The following RSRC1 variants were observed in gnomAD, a reference collection of about 807,000 sequenced individuals.
The protein encoded by RSRC1 is serine/Arginine-related protein 53.
A neutral mutation model predicts 49.1 loss-of-function variants in RSRC1; 39 were observed. That is an observed-to-expected ratio of 0.79 (90% CI 0.61 to 1.04). RSRC1 has a LOEUF of 1.04. Among genes scored for constraint, RSRC1 ranks in the 50% least tolerant of loss-of-function variants. The pLI is 0.00. For synonymous variants in RSRC1, 143 were observed against 130.8 expected (o/e 1.09, Z -0.63); for missense variants, 388 against 402.4 (o/e 0.96, Z 0.31).
chr3:158,408,526 G>C (rs1479867881), intron 6 of RSRC1, among the ~76,000 whole-genome samples: 5 of 151,974 alleles, frequency 3.3e-5, no homozygotes, highest in Admixed American at 6.6e-5. Flanking sequence ...AATAGGCATC[G>C]CAGAAAAAAA....
chr3:158,496,093 C>CT (rs1739309036), intron 7 of RSRC1, among the ~76,000 whole-genome samples: 2 of 152,156 alleles, frequency 1.3e-5, no homozygotes, highest in South Asian at 4.2e-4. Context: ...TCTTGCCTAG[C>CT]TTTTTTTGCC....
intron 6 of RSRC1, among the ~76,000 whole-genome samples, chr3:158,445,574 G>A (rs770051398): frequency 2.8e-4 from 43 of 151,858 alleles, no homozygotes; most frequent in Admixed American, 4.6e-4. Flanking sequence ...TAATGGGTGC[G>A]GCACACCAAC....
In RSRC1 at chr3:158,203,151, C is replaced by G. The variant is rs773664146; in HGVS notation, c.400C>G (p.Arg134Gly). 6.2e-7 allele frequency: 1 copy of G among 1,613,426 alleles called. No homozygotes were observed. The highest frequency in any genetic ancestry group is 8.5e-7 in the Non-Finnish European group (1 of 1,179,770). The change falls in exon 4 of 10, where the codon CGG becomes GGG. Residue 134 changes from arginine (R) to glycine (G), a missense_variant. Coordinates refer to ENST00000611884, the MANE Select transcript of RSRC1 (RefSeq NM_001271838.2). The stretch of plus-strand genomic sequence containing the variant: ...TCACAGAAGAACGCGTAGTCGGTCT[C>G]GGGATAGAGAACGACGTAAGGGCAG... The part of the protein sequence containing the change: ...SSHRRTRSRS[R>G]DRERRKGRDK...
chr3:158,370,424 A>G (rs983938620), intron 6 of RSRC1, among the ~76,000 whole-genome samples: 2 of 151,954 alleles, frequency 1.3e-5, no homozygotes, highest in Non-Finnish European at 2.9e-5. Flanking sequence ...CTCTCTCCCT[A>G]TTCCTGGACC....
chr3:158,354,379 A>G (rs1361122092), intron 5 of RSRC1, among the ~76,000 whole-genome samples: 1 of 152,234 alleles, frequency 6.6e-6, no homozygotes, highest in Non-Finnish European at 1.5e-5. Flanking sequence ...AGCCGGAAGC[A>G]TATAAGCCAA....
intron 4 of RSRC1, among the ~76,000 whole-genome samples, chr3:158,278,070 C>T (rs1095625): frequency 0.95 from 144,133 of 152,304 alleles, 68,306 homozygotes; most frequent in East Asian, 1. Context: ...AACATCACAA[C>T]TAGACTTTAC....
chr3:158,331,860 G>A (rs896441616), intron 5 of RSRC1, among the ~76,000 whole-genome samples: 1 of 149,132 alleles, frequency 6.7e-6, no homozygotes, highest in African/African-American at 2.5e-5. Flanking sequence ...TGTTAATCAT[G>A]TGGTAAAGAG....
chr3:158,242,554 G>A (rs893618771), intron 4 of RSRC1, among the ~76,000 whole-genome samples: 1 of 151,924 alleles, frequency 6.6e-6, no homozygotes, highest in African/African-American at 2.4e-5. Context: ...ATATTCCTTT[G>A]GGTATATACC....
chr3:158,470,380 A>ATATATATATAT (rs1553812271), intron 7 of RSRC1, among the ~76,000 whole-genome samples: 1 of 150,460 alleles, frequency 6.6e-6, no homozygotes, highest in African/African-American at 2.5e-5. Flanking sequence ...ATATATATAT[A>ATATATATATAT]AAACCATCTT....
chr3:158,404,581 C>T lies in RSRC1; in HGVS notation c.583+49673C>T, dbSNP rs867468233. ...TCAGTGAAATATTGTGAAATAATGG[C>T]TTGTCTAGTAAATTTACTGTAATTA... is the stretch of plus-strand genomic sequence containing the variant. On this transcript the variant is annotated intron_variant, in intron 6 of 9. Coordinates refer to ENST00000611884, the MANE Select transcript of RSRC1 (RefSeq NM_001271838.2). 2.0e-5 allele frequency among the ~76,000 whole-genome samples: 3 copies of T among 151,772 alleles called. No individual in the cohort carries two copies. The South Asian group carries it at 6.2e-4, about 32-fold the overall frequency.
rs75533388 is a variant in RSRC1, at chr3:158,510,822, T to C, written c.653-26270T>C. Among the ~76,000 whole-genome samples the C allele has an allele frequency of 1.0e-2, 1,516 of 152,292 alleles. 16 individuals are homozygous for C. Among genetic ancestry groups the C allele is most frequent in the African/African-American group, 0.035 (1,445 of 41,562 alleles). On this transcript the variant is annotated intron_variant, in intron 7 of 9. Transcript: ENST00000611884. ...AGACAAATCCCACACTTGATTTTTC[T>C]TCTATGAATAATTGGTTATTTTTAA...
chr3:158,228,791 ATATG>A (rs1190363176), intron 4 of RSRC1, among the ~76,000 whole-genome samples: 6 of 151,684 alleles, frequency 4.0e-5, no homozygotes, highest in Admixed American at 3.3e-4. Flanking sequence ...GTGTGTATAT[ATATG>A]TGTGTATATA....
rs973852175 is a variant in RSRC1, at chr3:158,139,366, A to G, written c.320+15375A>G. ...GGTTGCAGTGAGCTGAGATCGCGCC[A>G]CTGCACTCCAGTCCGGGCAACAGAG... On this transcript the variant is annotated intron_variant, in intron 3 of 9. Coordinates refer to ENST00000611884, the MANE Select transcript of RSRC1 (RefSeq NM_001271838.2). Among the ~76,000 whole-genome samples the G allele has an allele frequency of 8.9e-4, 136 of 152,044 alleles. 4 individuals are homozygous for G. The highest frequency in any genetic ancestry group is 2.9e-4 in the Non-Finnish European group (20 of 68,010).
rs574203377 is a variant in RSRC1, at chr3:158,348,694, A to G, written c.532-6163A>G. Among the ~76,000 whole-genome samples, 127 of 152,146 alleles carry G rather than the reference A, an allele frequency of 8.3e-4. No individual in the cohort carries two copies. In the Middle Eastern group the frequency reaches 0.02, roughly 24 times the overall value. ...GTGTGTCATGATCCACATATTGGAC[A>G]TTGTACTCAGTAGGTAACTTTTCAC... On this transcript the variant is annotated intron_variant, in intron 5 of 9. Transcript: ENST00000611884.
At chr3:158,200,130 C>T (rs1720949338) in intron 3 of RSRC1, among the ~76,000 whole-genome samples, 1 of 152,124 alleles carries the variant, frequency 6.6e-6, no homozygotes, top group South Asian at 2.1e-4. Flanking sequence ...CTCCGTCTCC[C>T]AGGTTCACTC....
Position 158,544,403 on chromosome 3 carries a change from AT to A in RSRC1, c.*131del. On this transcript the variant is annotated 3_prime_UTR_variant, in exon 10 of 10. Coordinates refer to ENST00000611884, the MANE Select transcript of RSRC1 (RefSeq NM_001271838.2). Reference sequence around the variant, plus strand: ...TTATATATAAAGGTAGTCTCATTTCATTTGTCTCTCATGTAGGCTTGAATAT... The same window carrying A: ...TTATATATAAAGGTAGTCTCATTTCATTGTCTCTCATGTAGGCTTGAATAT... The A allele has an allele frequency of 2.0e-6, 1 of 507,456 alleles. No individual in the cohort carries two copies. Among genetic ancestry groups the A allele is most frequent in the South Asian group, 3.5e-5 (1 of 28,276 alleles). 31.4% of individuals were successfully genotyped at this position (507,456 alleles called of 1,614,324 possible).
At chr3:158,276,279 A>G in intron 4 of RSRC1, 1 of 765,004 alleles carries the variant, frequency 1.3e-6, no homozygotes, top group Non-Finnish European at 2.4e-6. Context: ...CAGTCTGCAC[A>G]ATTTATCAGG....
intron 4 of RSRC1, among the ~76,000 whole-genome samples, chr3:158,272,521 T>C (rs1294186452): frequency 6.6e-6 from 1 of 152,106 alleles, no homozygotes; most frequent in African/African-American, 2.4e-5. Flanking sequence ...ATCTTTTCTT[T>C]TGGAGTTTAT....
At chr3:158,318,443 A>G (rs1295597859) in intron 5 of RSRC1, among the ~76,000 whole-genome samples, 1 of 152,204 alleles carries the variant, frequency 6.6e-6, no homozygotes, top group Non-Finnish European at 1.5e-5. Context: ...CAGTTAAAAT[A>G]GAACTAAACT....
Sources: allele counts gnomAD v4.1 joint callset (sites outside exome capture counted in the v4.1 genomes callset), GRCh38; gene constraint gnomAD v4.1.1; transcripts MANE v1.5; gene names NCBI Gene and HGNC (gene_info 2026-07-23, HGNC 2026-07-21).